Variants in EFHD1 observed in about 807,000 individuals in gnomAD.
The protein encoded by EFHD1 is EF-hand domain-containing protein D1.
In EFHD1, 10 loss-of-function variants were observed where a neutral mutation model predicts 17.2. The observed-to-expected ratio is 0.58, with a 90% confidence interval of 0.36 to 0.99. The LOEUF is 0.99. EFHD1 is among the 50% of genes least tolerant of loss of function. EFHD1 has a pLI of 0.01. For synonymous variants in EFHD1, 153 were observed against 142.0 expected (o/e 1.08, Z -0.55); for missense variants, 310 against 327.5 (o/e 0.95, Z 0.41).
intron 2 of EFHD1, among the ~76,000 whole-genome samples, chr2:232,669,668 T>G (rs1462709723): frequency 1.4e-5 from 2 of 148,012 alleles, no homozygotes; most frequent in Admixed American, 1.4e-4. Context: ...TGGTACGACC[T>G]CGGCTCACTG....
At chr2:232,657,899 CTT>C (rs1194396166) in intron 1 of EFHD1, among the ~76,000 whole-genome samples, 2 of 100,658 alleles carry the variant, frequency 2.0e-5, no homozygotes, top group African/African-American at 3.6e-5. Flanking sequence ...TCTTTCTTTT[CTT>C]TTTTTTTTTT....
intron 2 of EFHD1, among the ~76,000 whole-genome samples, chr2:232,668,185 A>T (rs1695000993): frequency 6.6e-6 from 1 of 152,230 alleles, no homozygotes; most frequent in East Asian, 1.9e-4. Flanking sequence ...AAGACAAACA[A>T]GGCTGGGCAG....
intron 1 of EFHD1, among the ~76,000 whole-genome samples, chr2:232,639,152 C>T (rs367632047): frequency 2.0e-4 from 30 of 152,244 alleles, no homozygotes; most frequent in African/African-American, 7.0e-4. Flanking sequence ...ACCTCCCTCT[C>T]CCTGGGATGT....
chr2:232,659,582 C>T (rs1694820197), intron 1 of EFHD1, among the ~76,000 whole-genome samples: 1 of 152,138 alleles, frequency 6.6e-6, no homozygotes, highest in Admixed American at 6.6e-5. Flanking sequence ...CAGTCCACAG[C>T]ACTAGATTCC....
intron 3 of EFHD1, among the ~76,000 whole-genome samples, chr2:232,677,872 C>A (rs1206044391): frequency 6.6e-6 from 1 of 152,140 alleles, no homozygotes; most frequent in Non-Finnish European, 1.5e-5. Flanking sequence ...CATATTCATT[C>A]TCTGAAGCTA....
chr2:232,650,260 C>A (rs367790298), intron 1 of EFHD1: 3 of 147,502 alleles, frequency 2.0e-5, no homozygotes, highest in Non-Finnish European at 4.5e-5. Context: ...GGTCTTTTTA[C>A]GGGTAGTTTT....
At chr2:232,623,680 AAAAAAAAAAAAAAAGAAG>A (rs1694056683) in intron 1 of EFHD1, among the ~76,000 whole-genome samples, 1 of 120,814 alleles carries the variant, frequency 8.3e-6, no homozygotes, top group African/African-American at 3.3e-5. Context: ...GTCCAAAAAA[AAAAAAAAAAAAAAAGAAG>A]AAGAAGAAGA....
chr2:232,657,028 C>T (rs1694775957), intron 1 of EFHD1, among the ~76,000 whole-genome samples: 2 of 152,192 alleles, frequency 1.3e-5, no homozygotes, highest in South Asian at 4.1e-4. Context: ...GATTCTCCTG[C>T]CTGGGCCTGC....
At chr2:232,655,589 G>A (rs1355427461) in intron 1 of EFHD1, among the ~76,000 whole-genome samples, 1 of 152,172 alleles carries the variant, frequency 6.6e-6, no homozygotes, top group African/African-American at 2.4e-5. Context: ...CCTCCCAGCC[G>A]GTTTGTGCAA....
intron 2 of EFHD1, among the ~76,000 whole-genome samples, 173 bp from the exon 3 acceptor site, chr2:232,672,136 A>C (rs920064413): frequency 3.9e-5 from 6 of 152,206 alleles, no homozygotes; most frequent in Middle Eastern, 3.2e-3. Context: ...CTTGGGAAAA[A>C]TCGGCATGTT....
chr2:232,626,881 T>C (rs963270575), intron 1 of EFHD1, among the ~76,000 whole-genome samples: 1 of 151,752 alleles, frequency 6.6e-6, no homozygotes, highest in African/African-American at 2.4e-5. Context: ...AAATGTGAGC[T>C]TCAGAGAAAA....
intron 1 of EFHD1, among the ~76,000 whole-genome samples, chr2:232,647,826 G>A (rs1343014967): frequency 2.6e-5 from 4 of 151,914 alleles, no homozygotes; most frequent in Non-Finnish European, 4.4e-5. Context: ...TAGTAGAAAC[G>A]GGGTTTCACC....
chr2:232,667,159 C>T (rs1210113042), intron 2 of EFHD1, among the ~76,000 whole-genome samples: 1 of 152,110 alleles, frequency 6.6e-6, no homozygotes, highest in East Asian at 1.9e-4. Flanking sequence ...ACCCAGACTG[C>T]ACAATTTTGT....
intron 1 of EFHD1, among the ~76,000 whole-genome samples, chr2:232,645,695 T>C (rs1159290709): frequency 6.6e-6 from 1 of 152,160 alleles, no homozygotes; most frequent in Non-Finnish European, 1.5e-5. Context: ...CCCCACTGAC[T>C]GTGTGCAGGG....
At chr2:232,651,754 G>A (rs1331800657) in intron 1 of EFHD1, among the ~76,000 whole-genome samples, 3 of 152,254 alleles carry the variant, frequency 2.0e-5, no homozygotes, top group African/African-American at 2.4e-5. Flanking sequence ...CCCCGAAGGC[G>A]GATGTTGTAG....
At chr2:232,680,867 A>G (rs756286841) in intron 3 of EFHD1, among the ~76,000 whole-genome samples, 2 of 152,096 alleles carry the variant, frequency 1.3e-5, no homozygotes, top group African/African-American at 2.4e-5. Context: ...TGCAATTCCA[A>G]TAAAAATCCC....
At chr2:232,649,877 T>G (rs1261094232) in intron 1 of EFHD1, 2 of 152,238 alleles carry the variant, frequency 1.3e-5, no homozygotes, top group African/African-American at 4.8e-5. Context: ...TGCCTGGAGT[T>G]CCAGCCACTT....
intron 1 of EFHD1, among the ~76,000 whole-genome samples, chr2:232,642,099 A>G (rs1694442981): frequency 6.6e-6 from 1 of 152,068 alleles, no homozygotes; most frequent in African/African-American, 2.4e-5. Flanking sequence ...AAAAAGACAA[A>G]TGAGGCCGGG....
intron 1 of EFHD1, among the ~76,000 whole-genome samples, chr2:232,656,711 G>A (rs1270795622): frequency 6.6e-6 from 1 of 151,926 alleles, no homozygotes; most frequent in Non-Finnish European, 1.5e-5. Context: ...TGCTGGGATT[G>A]GAGGCATGCA....
Sources: gnomAD v4.1 joint callset for allele counts (sites outside exome capture counted in the v4.1 genomes callset) on GRCh38, gnomAD v4.1.1 for gene constraint, MANE v1.5 for transcripts, NCBI Gene and HGNC (gene_info 2026-07-23, HGNC 2026-07-21) for gene names.